CEP112: variants seen among roughly 807,000 people sequenced by gnomAD.
The protein encoded by CEP112 is centrosomal protein 112, also known as centrosomal protein of 112 kDa.
In CEP112, 127 loss-of-function variants were observed where a neutral mutation model predicts 153.0. The observed-to-expected ratio is 0.83, with a 90% CI of 0.72 to 0.96. CEP112 has a LOEUF of 0.96. Ranked by LOEUF, CEP112 falls within the 40% of genes least tolerant of loss-of-function variation. CEP112 has a pLI of 0.00. For missense variants in CEP112, 1,089 were observed against 1,101.2 expected, an observed-to-expected ratio of 0.99 and a Z score of 0.16; for synonymous variants, 358 against 374.4, an observed-to-expected ratio of 0.96 and a Z score of 0.51.
intron 23 of CEP112, among the ~76,000 whole-genome samples, chr17:65,722,050 GT>G (rs1481231830): frequency 6.6e-6 from 1 of 152,162 alleles, no homozygotes; most frequent in Non-Finnish European, 1.5e-5. Context: ...TAAAAGTAGT[GT>G]TTTCATTTTC....
At chr17:66,176,747 T>C in intron 3 of CEP112, 83 bp downstream of exon 3, 1 of 1,035,784 alleles carries the variant, frequency 9.7e-7, no homozygotes. Flanking sequence ...AACCTAATAG[T>C]ATTACCATTC....
intron 8 of CEP112, among the ~76,000 whole-genome samples, chr17:66,078,753 GAT>G (rs1380709558): frequency 6.6e-6 from 1 of 151,950 alleles, no homozygotes; most frequent in East Asian, 1.9e-4. Context: ...ATTCTGTTTT[GAT>G]ATGTTTCTAG....
chr17:66,124,329 C>A (rs1353232153), intron 6 of CEP112, among the ~76,000 whole-genome samples: 5 of 152,136 alleles, frequency 3.3e-5, no homozygotes, highest in Non-Finnish European at 5.9e-5. Context: ...TCTGAAGGAA[C>A]CTCATTGCAC....
At chr17:66,036,755 T>G (rs533742952) in intron 12 of CEP112, among the ~76,000 whole-genome samples, 18 of 152,290 alleles carry the variant, frequency 1.2e-4, no homozygotes, top group African/African-American at 4.1e-4. Context: ...CATTACATCT[T>G]CTCCAGGACT....
chr17:66,053,937 A>G (rs759413021), intron 11 of CEP112, 58 bp from the exon 12 acceptor site: 2 of 1,458,316 alleles, frequency 1.4e-6, no homozygotes, highest in South Asian at 1.3e-5. Flanking sequence ...CTATTTTGTA[A>G]TTCAGCGGAA....
intron 23 of CEP112, among the ~76,000 whole-genome samples, chr17:65,704,117 C>T (rs2048783528): frequency 6.6e-6 from 1 of 151,820 alleles, no homozygotes; most frequent in African/African-American, 2.4e-5. Context: ...AGAGGTTGGC[C>T]CTGCGACGAC....
At chr17:66,124,211 T>C (rs8075531) in intron 6 of CEP112, among the ~76,000 whole-genome samples, 7,303 of 152,196 alleles carry the variant, frequency 0.048, 227 homozygotes, top group African/African-American at 0.07. Flanking sequence ...GGAACTTGTA[T>C]GGTTCATACA....
intron 21 of CEP112, among the ~76,000 whole-genome samples, chr17:65,837,460 G>A (rs1050299723): frequency 1.3e-5 from 2 of 151,390 alleles, no homozygotes; most frequent in Admixed American, 6.6e-5. Flanking sequence ...CCGCTACCCC[G>A]TCTGGGAACT....
chr17:66,138,792 A>T (rs1487865862), intron 4 of CEP112, among the ~76,000 whole-genome samples: 2 of 152,186 alleles, frequency 1.3e-5, no homozygotes, highest in Non-Finnish European at 2.9e-5. Context: ...TGAACAAAGG[A>T]ATTATATAAC....
At chr17:65,958,151 T>C (rs2062062997) in intron 18 of CEP112, among the ~76,000 whole-genome samples, 1 of 152,202 alleles carries the variant, frequency 6.6e-6, no homozygotes, top group Non-Finnish European at 1.5e-5. Context: ...TATGATGGTT[T>C]CCTTATGTGT....
At chr17:65,934,860 G>T (rs2144322914) in intron 18 of CEP112, among the ~76,000 whole-genome samples, 1 of 152,300 alleles carries the variant, frequency 6.6e-6, no homozygotes, top group African/African-American at 2.4e-5. Flanking sequence ...CATGGCTGCG[G>T]AGGCCTCAGG....
intron 20 of CEP112, among the ~76,000 whole-genome samples, chr17:65,876,036 T>C (rs1028356415): frequency 1.3e-5 from 2 of 152,060 alleles, no homozygotes; most frequent in African/African-American, 2.4e-5. Context: ...CCTCCTAACA[T>C]TGTTGAGAAT....
intron 17 of CEP112, among the ~76,000 whole-genome samples, chr17:65,998,436 G>A (rs1186774916): frequency 6.8e-6 from 1 of 147,618 alleles, no homozygotes; most frequent in Non-Finnish European, 1.5e-5. Flanking sequence ...CTGTGGTGAT[G>A]GTTACAAAAC....
At chr17:65,803,330 G>A (rs1481677616) in intron 21 of CEP112, among the ~76,000 whole-genome samples, 2 of 152,194 alleles carry the variant, frequency 1.3e-5, no homozygotes, top group Admixed American at 1.3e-4. Context: ...TACACATTTT[G>A]TGGTGATTTT....
chr17:66,038,100 C>CAAAAAA (rs5821553), intron 12 of CEP112, among the ~76,000 whole-genome samples: 5 of 105,396 alleles, frequency 4.7e-5, no homozygotes, highest in African/African-American at 1.5e-4. Flanking sequence ...GACTCTGTCT[C>CAAAAAA]AAAAAAAAAA....
intron 21 of CEP112, among the ~76,000 whole-genome samples, chr17:65,792,820 G>C (rs922423305): frequency 3.9e-5 from 6 of 152,154 alleles, no homozygotes; most frequent in African/African-American, 1.2e-4. Flanking sequence ...GGCTGGCACT[G>C]ATATGTTTTA....
intron 21 of CEP112, among the ~76,000 whole-genome samples, chr17:65,799,935 C>T (rs1396925189): frequency 6.6e-6 from 1 of 152,090 alleles, no homozygotes; most frequent in East Asian, 1.9e-4. Context: ...AGAAAAAATG[C>T]AAGATGATGT....
intron 17 of CEP112, among the ~76,000 whole-genome samples, chr17:65,978,435 G>A (rs369695006): frequency 3.3e-5 from 5 of 152,300 alleles, no homozygotes; most frequent in African/African-American, 7.2e-5. Context: ...GGCCCAGCTC[G>A]GTCACGTGCC....
intron 23 of CEP112, among the ~76,000 whole-genome samples, chr17:65,713,941 C>G (rs1383291711): frequency 6.6e-6 from 1 of 152,032 alleles, no homozygotes; most frequent in African/African-American, 2.4e-5. Context: ...TGAAGAACAC[C>G]AAAGCCACCT....
Sources: allele counts gnomAD v4.1 joint callset (sites outside exome capture counted in the v4.1 genomes callset), GRCh38; gene constraint gnomAD v4.1.1; transcripts MANE v1.5; gene names NCBI Gene and HGNC (gene_info 2026-07-23, HGNC 2026-07-21).